The following FRMPD4 variants were observed in gnomAD, a reference collection of about 807,000 sequenced individuals.
The protein encoded by FRMPD4 is FERM and PDZ domain-containing protein 4.
FRMPD4 carries 22 observed loss-of-function variants against 94.1 expected under a neutral mutation model. The observed-to-expected ratio is 0.23, with a 90% CI of 0.17 to 0.33. FRMPD4 has a LOEUF of 0.33. Ranked by LOEUF, FRMPD4 falls within the 10% of genes least tolerant of loss-of-function variation. FRMPD4 has a pLI of 1.00. For missense variants in FRMPD4, 1,111 were observed against 1,339.9 expected (o/e 0.83, Z 2.67); for synonymous variants, 631 against 548.6 (o/e 1.15, Z -2.10).
chrX:11,920,458 T>C (rs1238187860), intron 3 of FRMPD4, among the ~76,000 whole-genome samples: 2 of 111,955 alleles, frequency 1.8e-5, no homozygotes, highest in Non-Finnish European at 3.8e-5. Context: ...CGGTCATTAG[T>C]CCTGTAAGAT....
At chrX:12,011,852 G>T (rs1408914752) in intron 3 of FRMPD4, among the ~76,000 whole-genome samples, 6 of 109,305 alleles carry the variant, frequency 5.5e-5, no homozygotes, top group African/African-American at 2.0e-4. Context: ...TTCTTTGCTT[G>T]TTTCTATATC....
At chrX:11,905,902 A>G (rs537495083) in intron 3 of FRMPD4, among the ~76,000 whole-genome samples, 1 of 111,403 alleles carries the variant, frequency 9.0e-6, no homozygotes, top group African/African-American at 3.3e-5. Flanking sequence ...TTAATGAGGT[A>G]TAACTTACAA....
At chrX:12,405,442 T>G (rs971601579) in intron 1 of FRMPD4, among the ~76,000 whole-genome samples, 8 of 111,231 alleles carry the variant, frequency 7.2e-5, no homozygotes, top group Non-Finnish European at 1.3e-4. Flanking sequence ...TGAGATGTTT[T>G]GATACAGGCA....
At chrX:12,149,262 T>C (rs899746805) in intron 1 of FRMPD4, 1 of 112,331 alleles carries the variant, frequency 8.9e-6, no homozygotes, top group African/African-American at 3.2e-5. Context: ...TTTTGTATGG[T>C]TATAGCTGCT....
chrX:12,493,987 CTGT>C (rs1177903642), intron 1 of FRMPD4, among the ~76,000 whole-genome samples: 1 of 111,611 alleles, frequency 9.0e-6, no homozygotes, highest in Non-Finnish European at 1.9e-5. Context: ...AAAAGCCAAC[CTGT>C]TAAGTGGCAA....
intron 4 of FRMPD4, among the ~76,000 whole-genome samples, chrX:12,643,645 T>C (rs1194131699): frequency 9.0e-6 from 1 of 111,679 alleles, no homozygotes; most frequent in Non-Finnish European, 1.9e-5. Context: ...GATGTGGAGA[T>C]TGAAACAGGG....
Position 12,721,952 on chromosome X carries a change from C to A in FRMPD4, c.*94C>A. On this transcript the variant is annotated 3_prime_UTR_variant, in exon 17 of 17. Transcript: ENST00000675598. ...GATGAACAGATGTCTCCTTTCTTCT[C>A]TCTGTATATTTTGTTATTTTATATA... 1 of 322,895 alleles carries A rather than the reference C, an allele frequency of 3.1e-6. No homozygotes were observed. Among genetic ancestry groups the A allele is most frequent in the Non-Finnish European group, 4.1e-6 (1 of 244,288 alleles). The allele number at this position is 322,895 out of a possible 1,213,427, so 26.6% of individuals were successfully genotyped here.
chrX:12,152,955 C>T (rs1474360557), intron 1 of FRMPD4, among the ~76,000 whole-genome samples: 2 of 85,863 alleles, frequency 2.3e-5, no homozygotes, highest in African/African-American at 4.5e-5. Flanking sequence ...GAGACGGAGT[C>T]TCGCTCTGTT....
chrX:12,137,438 C>G (rs1414667289), upstream of FRMPD4, among the ~76,000 whole-genome samples: 4 of 112,440 alleles, frequency 3.6e-5, no homozygotes, highest in Admixed American at 3.7e-4. Context: ...GAGAGCTAGA[C>G]TGGAACACTG....
At chrX:12,123,885 G>T (rs1454255292) in intron 3 of FRMPD4, among the ~76,000 whole-genome samples, 3 of 111,446 alleles carry the variant, frequency 2.7e-5, no homozygotes, top group Non-Finnish European at 5.7e-5. Flanking sequence ...GGAATCACAG[G>T]AGCAGACATG....
intron 3 of FRMPD4, among the ~76,000 whole-genome samples, chrX:12,046,720 C>A (rs982355625): frequency 3.6e-5 from 4 of 112,245 alleles, no homozygotes; most frequent in Admixed American, 9.4e-5. Flanking sequence ...AATGTCCACA[C>A]CCTCCCTGGG....
At chrX:12,266,719 A>G (rs1025273152) in intron 1 of FRMPD4, among the ~76,000 whole-genome samples, 3 of 111,495 alleles carry the variant, frequency 2.7e-5, no homozygotes, top group Non-Finnish European at 5.6e-5. Context: ...TTTGAAACAG[A>G]GGAGGTATGG....
intron 3 of FRMPD4, among the ~76,000 whole-genome samples, chrX:11,982,489 C>T: frequency 9.0e-6 from 1 of 111,175 alleles, no homozygotes; most frequent in African/African-American, 3.3e-5. Flanking sequence ...TGATTTAGCA[C>T]TTCAAATATT....
rs753999126 is a variant in FRMPD4 at position 11,935,072 on chromosome X, AT to A, written c.95+57077del. On this transcript the variant is annotated intron_variant, in intron 3 of 18. Coordinates refer to the FRMPD4 transcript ENST00000640291. The stretch of plus-strand genomic sequence containing the variant: ...GGATTTCTAGCAGCAACTATTGGTG[AT>A]TTTTTTTTTTTTTTTTTTTTTTAAA... 6.8e-3 allele frequency among the ~76,000 whole-genome samples: 274 copies of A among 40,230 alleles called. 22 individuals carry two copies. The highest frequency in any genetic ancestry group is 0.015 in the Middle Eastern group (1 of 66). 34.9% of individuals were successfully genotyped at this position (40,230 alleles called of 115,157 possible).
intron 4 of FRMPD4, among the ~76,000 whole-genome samples, chrX:12,631,361 A>G (rs1031579335): frequency 8.9e-6 from 1 of 112,467 alleles, no homozygotes; most frequent in African/African-American, 3.2e-5. Context: ...AAAGATTACT[A>G]TAATTTATTA....
intron 1 of FRMPD4, among the ~76,000 whole-genome samples, chrX:12,459,712 G>A (rs2057372950): frequency 8.9e-6 from 1 of 111,941 alleles, no homozygotes; most frequent in Non-Finnish European, 1.9e-5. Context: ...TAGACATTTT[G>A]TATTTTTTTC....
chrX:12,407,643 G>A (rs1199224007), intron 1 of FRMPD4, among the ~76,000 whole-genome samples: 2 of 112,136 alleles, frequency 1.8e-5, no homozygotes, highest in Admixed American at 1.9e-4. Flanking sequence ...ATTAAACAGG[G>A]CAATTCATAG....
intron 3 of FRMPD4, among the ~76,000 whole-genome samples, chrX:12,092,441 A>G (rs1348380237): frequency 8.9e-6 from 1 of 111,848 alleles, no homozygotes; most frequent in Non-Finnish European, 1.9e-5. Flanking sequence ...TTGCATGCAG[A>G]TATTTTCCCT....
intron 3 of FRMPD4, among the ~76,000 whole-genome samples, chrX:11,991,568 G>A (rs1195619673): frequency 5.4e-5 from 6 of 111,648 alleles, no homozygotes; most frequent in Non-Finnish European, 1.1e-4. Context: ...AAATTTAGAT[G>A]CTAATTGTAA....
Sources: gnomAD v4.1 joint callset for allele counts (sites outside exome capture counted in the v4.1 genomes callset) on GRCh38, gnomAD v4.1.1 for gene constraint, MANE v1.5 for transcripts, NCBI Gene and HGNC (gene_info 2026-07-23, HGNC 2026-07-21) for gene names.